Variants in RBFOX1 observed in about 807,000 individuals in gnomAD.
RBFOX1 encodes the protein RNA binding fox-1 homolog 1.
A neutral mutation model predicts 57.7 loss-of-function variants in RBFOX1; 8 were observed. The ratio of observed to expected loss-of-function variants is 0.14; its 90% CI spans 0.08 to 0.25. RBFOX1 has a LOEUF of 0.25. Among genes scored for constraint, RBFOX1 ranks in the 10% least tolerant of loss-of-function variants. The pLI, the probability that RBFOX1 is intolerant of heterozygous loss-of-function variation, is 1.00. For missense variants in RBFOX1, 611 were observed against 548.5 expected, an observed-to-expected ratio of 1.11 and a Z score of -1.14; for synonymous variants, 326 against 222.4, an observed-to-expected ratio of 1.47 and a Z score of -4.15.
chr16:5,719,845 A>G (rs189217803), intron 3 of RBFOX1, among the ~76,000 whole-genome samples: 44 of 152,282 alleles, frequency 2.9e-4, no homozygotes, highest in Admixed American at 1.7e-3. Flanking sequence ...GGCTATTATG[A>G]ATAGTGCTGC....
At chr16:5,372,607 C>G (rs560867096) in intron 1 of RBFOX1, among the ~76,000 whole-genome samples, 13 of 152,238 alleles carry the variant, frequency 8.5e-5, no homozygotes, top group Admixed American at 2.0e-4. Context: ...CTGTGGGGAG[C>G]AGGGCTCAGG....
At chr16:6,801,205 A>G (rs1407901684) in intron 3 of RBFOX1, among the ~76,000 whole-genome samples, 1 of 151,664 alleles carries the variant, frequency 6.6e-6, no homozygotes, top group Non-Finnish European at 1.5e-5. Flanking sequence ...CATGCAAAAA[A>G]AAAAAAAAAA....
At chr16:5,579,412 C>T (rs1046269899) in intron 2 of RBFOX1, among the ~76,000 whole-genome samples, 39 of 152,090 alleles carry the variant, frequency 2.6e-4, no homozygotes, top group Non-Finnish European at 4.4e-4. Flanking sequence ...TCTGGGATTC[C>T]GCTTGTGGCC....
chr16:6,272,954 A>G (rs1198959301), intron 1 of RBFOX1, among the ~76,000 whole-genome samples: 7 of 152,170 alleles, frequency 4.6e-5, no homozygotes, highest in African/African-American at 1.4e-4. Flanking sequence ...ATAAAACTAT[A>G]AAACATTTAG....
At chr16:7,260,511 A>G (rs2094876816) in intron 4 of RBFOX1, among the ~76,000 whole-genome samples, 1 of 152,042 alleles carries the variant, frequency 6.6e-6, no homozygotes, top group Non-Finnish European at 1.5e-5. Flanking sequence ...TTTCCCCGTT[A>G]ACTGCTTCTA....
chr16:6,820,742 T>C (rs1318263818), intron 3 of RBFOX1, among the ~76,000 whole-genome samples: 1 of 152,136 alleles, frequency 6.6e-6, no homozygotes, highest in Non-Finnish European at 1.5e-5. Context: ...TAAGAGCCTC[T>C]ATAGGCCTCA....
In RBFOX1 at chr16:6,171,563, A is replaced by C. The variant is rs1338796667; in HGVS notation, c.-126-145432A>C. Among the ~76,000 whole-genome samples, 3 of 152,270 alleles carry C rather than the reference A, an allele frequency of 2.0e-5. No homozygotes were observed. In the South Asian group the frequency reaches 6.2e-4, roughly 32 times the overall value. ...CAGTTAGATTTGGAGTGGTTCTGCA[A>C]ATGTCTTGCCATGAACATATGATAT... On this transcript the variant is annotated intron_variant, in intron 1 of 15. Transcript: ENST00000550418.
chr16:5,897,201 A>T (rs1467268244), intron 4 of RBFOX1, among the ~76,000 whole-genome samples: 1 of 146,074 alleles, frequency 6.8e-6, no homozygotes, highest in Non-Finnish European at 1.5e-5. Context: ...GCGCCCGGCT[A>T]ATTTTTTCTA....
intron 4 of RBFOX1, among the ~76,000 whole-genome samples, chr16:5,906,460 C>T (rs1027610723): frequency 6.6e-6 from 1 of 152,190 alleles, no homozygotes; most frequent in South Asian, 2.1e-4. Flanking sequence ...TCACAGTCCT[C>T]AGAAGGAACC....
intron 2 of RBFOX1, among the ~76,000 whole-genome samples, chr16:5,536,254 T>A (rs2044693413): frequency 8.1e-6 from 1 of 124,110 alleles, no homozygotes; most frequent in Middle Eastern, 4.2e-3. Flanking sequence ...TTTTTTTTTT[T>A]AGATGGAGTC....
At chr16:6,931,028 A>T (rs923650922) in intron 3 of RBFOX1, among the ~76,000 whole-genome samples, 1 of 152,024 alleles carries the variant, frequency 6.6e-6, no homozygotes, top group African/African-American at 2.4e-5. Context: ...TTTTGGATGT[A>T]GAAATCAGGT....
intron 1 of RBFOX1, among the ~76,000 whole-genome samples, chr16:6,173,688 C>T (rs940560831): frequency 7.2e-6 from 1 of 138,448 alleles, no homozygotes; most frequent in Non-Finnish European, 1.5e-5. Flanking sequence ...CAGCTCACTG[C>T]AACCTCTGCC....
chr16:7,332,184 T>C (rs959542335), intron 4 of RBFOX1, among the ~76,000 whole-genome samples: 17 of 152,344 alleles, frequency 1.1e-4, no homozygotes, highest in African/African-American at 4.1e-4. Flanking sequence ...CACTGCCTTG[T>C]ACGAGCTATG....
intron 3 of RBFOX1, among the ~76,000 whole-genome samples, chr16:6,878,468 C>T (rs373814449): frequency 2.0e-5 from 3 of 152,176 alleles, no homozygotes; most frequent in African/African-American, 4.8e-5. Context: ...TGTCTCTTAC[C>T]ACCAAATCCA....
chr16:7,028,651 T>C (rs1340287263), intron 3 of RBFOX1, among the ~76,000 whole-genome samples: 5 of 149,178 alleles, frequency 3.4e-5, no homozygotes. Context: ...CCACACATCA[T>C]TGTGACTTCT....
intron 3 of RBFOX1, among the ~76,000 whole-genome samples, chr16:5,827,453 T>C (rs1254771401): frequency 1.3e-5 from 2 of 151,236 alleles, no homozygotes; most frequent in African/African-American, 4.9e-5. Context: ...ACAACTCATA[T>C]TCTACTTCTA....
At chr16:6,533,787 C>T (rs1370593145) in intron 2 of RBFOX1, among the ~76,000 whole-genome samples, 4 of 152,142 alleles carry the variant, frequency 2.6e-5, no homozygotes, top group African/African-American at 9.7e-5. Flanking sequence ...TGGAAGGGAA[C>T]ATAAACATCT....
chr16:6,758,316 C>T (rs1425464001), intron 3 of RBFOX1, among the ~76,000 whole-genome samples: 1 of 152,044 alleles, frequency 6.6e-6, no homozygotes, highest in East Asian at 1.9e-4. Context: ...AAAATTTTCC[C>T]CCAAGCATAT....
chr16:7,156,050 T>C (rs1324139562), intron 4 of RBFOX1, among the ~76,000 whole-genome samples: 1 of 151,896 alleles, frequency 6.6e-6, no homozygotes, highest in African/African-American at 2.4e-5. Flanking sequence ...TATATAGGTA[T>C]ACATGTAGAT....
Sources: gnomAD v4.1 joint callset for allele counts (sites outside exome capture counted in the v4.1 genomes callset) on GRCh38, gnomAD v4.1.1 for gene constraint, MANE v1.5 for transcripts, NCBI Gene and HGNC (gene_info 2026-07-23, HGNC 2026-07-21) for gene names.